Variants in CFAP221 observed in about 807,000 individuals in gnomAD.
The protein encoded by CFAP221 is cilia and flagella associated protein 221.
A neutral mutation model predicts 113.1 loss-of-function variants in CFAP221; 97 were observed. That is an observed-to-expected ratio of 0.86 (90% CI 0.73 to 1.02). The LOEUF (loss-of-function observed/expected upper bound fraction) is 1.02. Among genes scored for constraint, CFAP221 ranks in the 50% least tolerant of loss-of-function variants. CFAP221 has a pLI of 0.00. For missense variants in CFAP221, 1,025 were observed against 1,013.4 expected (o/e 1.01, Z -0.16); for synonymous variants, 331 against 354.4 (o/e 0.93, Z 0.74).
chr2:119,628,289 TGG>T (rs34072800), intron 16 of CFAP221, among the ~76,000 whole-genome samples: 569 of 8,832 alleles, frequency 0.064, 5 homozygotes, highest in African/African-American at 0.11. Flanking sequence ...TCTCTCTCTC[TGG>T]GGGGTGTGTG....
intron 6 of CFAP221, chr2:119,572,514 C>T: frequency 1.5e-6 from 1 of 688,592 alleles, no homozygotes; most frequent in Non-Finnish European, 2.7e-6. Context: ...TAAAAAGATT[C>T]ATGTTAATTC....
chr2:119,660,034 A>G (rs1480689370), downstream of CFAP221: 3 of 152,312 alleles, frequency 2.0e-5, no homozygotes, highest in Non-Finnish European at 2.9e-5. Flanking sequence ...TGGGTGCCCC[A>G]CATTGCATTG....
chr2:119,657,440 G>T (rs1048686631), downstream of CFAP221, among the ~76,000 whole-genome samples: 4 of 152,258 alleles, frequency 2.6e-5, no homozygotes, highest in East Asian at 5.8e-4. Context: ...TAAAACAAGA[G>T]CTCAAACATG....
At chr2:119,579,191 A>C (rs921125476) in intron 6 of CFAP221, among the ~76,000 whole-genome samples, 4 of 152,074 alleles carry the variant, frequency 2.6e-5, no homozygotes, top group Non-Finnish European at 5.9e-5. Flanking sequence ...TTCCAAAAGC[A>C]CTAACATGTA....
At chr2:119,605,876 G>A (rs770082231) in intron 11 of CFAP221, among the ~76,000 whole-genome samples, 5 of 151,870 alleles carry the variant, frequency 3.3e-5, no homozygotes, top group African/African-American at 1.2e-4. Flanking sequence ...CAGCTGGAGT[G>A]GTCACATAAA....
At position 119,604,654 on chromosome 2, in the gene CFAP221, A is replaced by G; in HGVS notation, c.792-18A>G. The G allele has an allele frequency of 6.5e-7, 1 of 1,527,970 alleles. No homozygotes were observed. Among genetic ancestry groups the G allele is most frequent in the South Asian group, 1.3e-5 (1 of 75,790 alleles). 94.7% of individuals were successfully genotyped at this position (1,527,970 alleles called of 1,614,324 possible). A position where few individuals can be genotyped will look rare whatever the true frequency, so the allele number is the denominator to read the frequency against. ...TTAATGGCTTATTTACTAATTTAAC[A>G]CTTGTTTTAACCTATAGATTAGAAG... On this transcript the variant is annotated intron_variant, in intron 8 of 23. Coordinates refer to ENST00000413369, the MANE Select transcript of CFAP221 (RefSeq NM_001271049.2).
At chr2:119,544,852 A>T (rs1679938316) in intron 1 of CFAP221, among the ~76,000 whole-genome samples, 1 of 151,816 alleles carries the variant, frequency 6.6e-6, no homozygotes, top group African/African-American at 2.4e-5. Flanking sequence ...GCGGTGGGCG[A>T]GCCGGCGTGT....
intron 7 of CFAP221, among the ~76,000 whole-genome samples, chr2:119,598,694 C>T (rs891458978): frequency 3.3e-5 from 5 of 152,200 alleles, no homozygotes; most frequent in African/African-American, 4.8e-5. Context: ...CTCCTTGGCA[C>T]GCCTTTTACA....
At chr2:119,557,622 A>T (rs1374225504) in intron 3 of CFAP221, among the ~76,000 whole-genome samples, 1 of 152,144 alleles carries the variant, frequency 6.6e-6, no homozygotes, top group Non-Finnish European at 1.5e-5. Flanking sequence ...GACTCTCCAG[A>T]ATGGATTTAG....
At chr2:119,653,507 A>G (rs2104821399) in intron 23 of CFAP221, among the ~76,000 whole-genome samples, 1 of 152,348 alleles carries the variant, frequency 6.6e-6, no homozygotes, top group South Asian at 2.1e-4. Flanking sequence ...ATAAATATAC[A>G]TATGAATTAT....
Position 119,594,757 on chromosome 2 carries a change from C to G in CFAP221, c.632-6461C>G, listed in dbSNP as rs567209484. Reference sequence around the variant, plus strand: ...TGCTTACATCGTGCTTACCATGTGCCAGACACTACACTGGATGCATAAACT... The same window carrying G: ...TGCTTACATCGTGCTTACCATGTGCGAGACACTACACTGGATGCATAAACT... On this transcript the variant is annotated intron_variant, in intron 7 of 23. Transcript: ENST00000413369. Among the ~76,000 whole-genome samples, 7 of 152,308 alleles carry G rather than the reference C, an allele frequency of 4.6e-5. No individual in the cohort carries two copies. In the South Asian group the frequency reaches 1.0e-3, roughly 23 times the overall value.
intron 14 of CFAP221, among the ~76,000 whole-genome samples, chr2:119,619,217 GC>G (rs1685725273): frequency 6.6e-6 from 1 of 152,220 alleles, no homozygotes; most frequent in South Asian, 2.1e-4. Context: ...AAATCTCCCA[GC>G]ACAGTGCTCA....
intron 15 of CFAP221, 93 bp downstream of exon 15, chr2:119,625,781 A>G (rs771672904): frequency 9.6e-7 from 1 of 1,037,538 alleles, no homozygotes; most frequent in East Asian, 2.6e-5. Context: ...TATGCAAATA[A>G]AAAATTTTCA....
chr2:119,587,287 C>A, intron 7 of CFAP221, 65 bp downstream of exon 7: 2 of 1,187,360 alleles, frequency 1.7e-6, no homozygotes, highest in Non-Finnish European at 1.2e-6. Flanking sequence ...GTTATATTTT[C>A]AAACACATAT....
At chr2:119,653,003 A>T (rs13402471) in intron 23 of CFAP221, among the ~76,000 whole-genome samples, 5,867 of 149,112 alleles carry the variant, frequency 0.039, 263 homozygotes, top group African/African-American at 0.11. Flanking sequence ...TAAACCATGT[A>T]TATGGTTTAA....
At chr2:119,622,388 CA>C (rs994532678) in intron 14 of CFAP221, among the ~76,000 whole-genome samples, 73 of 151,664 alleles carry the variant, frequency 4.8e-4, no homozygotes, top group Non-Finnish European at 8.1e-4. Flanking sequence ...GCCTACCAAC[CA>C]AAAAAAAGCC....
intron 16 of CFAP221, among the ~76,000 whole-genome samples, 187 bp downstream of exon 16, chr2:119,627,973 A>C (rs1915836): frequency 0.95 from 144,301 of 152,164 alleles, 68,490 homozygotes; most frequent in East Asian, 0.99. Context: ...CTCCTGATAC[A>C]CCTGCACAGA....
intron 20 of CFAP221, among the ~76,000 whole-genome samples, chr2:119,639,088 G>A (rs1242382349): frequency 5.9e-5 from 9 of 152,116 alleles, no homozygotes; most frequent in Non-Finnish European, 8.8e-5. Flanking sequence ...GGGTGGGGGG[G>A]CGGGCACCGG....
At position 119,604,812 on chromosome 2, in the gene CFAP221, T is replaced by C; in HGVS notation, c.912+20T>C. 1 of 1,594,316 alleles carries C rather than the reference T, an allele frequency of 6.3e-7. No homozygotes were observed. The highest frequency in any genetic ancestry group is 2.2e-5 in the East Asian group (1 of 44,612). ...GTGAAGGTACGGTGGGCCTTGTCCT[T>C]GGTGCGATGAAAGGGTGACAGAGGG... On this transcript the variant is annotated intron_variant, in intron 9 of 23. Coordinates refer to ENST00000413369, the MANE Select transcript of CFAP221 (RefSeq NM_001271049.2).
Sources: allele counts gnomAD v4.1 joint callset (sites outside exome capture counted in the v4.1 genomes callset), GRCh38; gene constraint gnomAD v4.1.1; transcripts MANE v1.5; gene names NCBI Gene and HGNC (gene_info 2026-07-23, HGNC 2026-07-21).